The following SH2B2 variants were observed in gnomAD, a reference collection of about 807,000 sequenced individuals.
SH2B2 encodes SH2B adapter protein 2.
A neutral mutation model predicts 35.7 loss-of-function variants in SH2B2; 37 were observed. That is an observed-to-expected ratio of 1.04 (90% CI 0.80 to 1.36). SH2B2 has a LOEUF of 1.36. Among genes scored for constraint, SH2B2 ranks in the 40% most tolerant of loss-of-function variants. SH2B2 has a pLI of 0.00. For missense variants in SH2B2, 852 were observed against 817.7 expected (o/e 1.04, Z -0.51); for synonymous variants, 383 against 376.4 (o/e 1.02, Z -0.20).
In SH2B2 at chr7:102,301,253, C is replaced by A; in HGVS notation, c.703C>A (p.Arg235Ser). ...CAGGGCTGTGGCCGAGGAACGCTTC[C>A]GCCTGGAGTTCTTCGTGCCGCCCAA... ...LRRAVAEERF[R>S]LEFFVPPKAS... Residue 235 changes from arginine (R) to serine (S), a missense_variant, in exon 2 of 9, where the codon CGC becomes AGC. By Grantham distance (110) the Arg-to-Ser change is moderately radical. Around this residue, in one of 3 missense-constraint regions of SH2B2, gnomAD observed 556 missense variants for 514.5 expected, o/e 1.08. Coordinates refer to ENST00000444095, the MANE Select transcript of SH2B2 (RefSeq NM_001359228.2). 1 of 1,604,750 alleles carries A rather than the reference C, an allele frequency of 6.2e-7. No individual in the cohort carries two copies. Among genetic ancestry groups the A allele is most frequent in the East Asian group, 2.3e-5 (1 of 43,972 alleles).
chr7:102,303,373 G>A (rs555437418), intron 2 of SH2B2, among the ~76,000 whole-genome samples: 8 of 152,212 alleles, frequency 5.3e-5, no homozygotes, highest in African/African-American at 1.9e-4. Context: ...GGACCACCGG[G>A]GACCCCACAC....
chr7:102,295,804 C>T (rs1330282855), intron 1 of SH2B2, among the ~76,000 whole-genome samples: 1 of 152,014 alleles, frequency 6.6e-6, no homozygotes. Flanking sequence ...GGAGGAAGCA[C>T]GGGGCAGGGA....
rs368488653 is a variant in SH2B2 at position 102,300,772 on chromosome 7, C to G, written c.222C>G (p.Gly74=). 7.8e-6 allele frequency: 12 copies of G among 1,529,620 alleles called. No individual in the cohort carries two copies. The African/African-American group carries it at 1.5e-4, about 19-fold the overall frequency. 94.8% of individuals were successfully genotyped at this position (1,529,620 alleles called of 1,614,324 possible). A position where few individuals can be genotyped will look rare whatever the true frequency, so the allele number is the denominator to read the frequency against. ...HFAANFLDVF[G]EEVRRVLVAG... The stretch of plus-strand genomic sequence containing the variant: ...CCGCCAACTTCCTGGACGTCTTCGG[C>G]GAGGAGGTGCGCCGCGTGCTGGTGG... The change falls in exon 2 of 9, where the codon GGC becomes GGG. Residue 74 remains glycine, a synonymous_variant. Transcript: ENST00000444095.
intron 7 of SH2B2, among the ~76,000 whole-genome samples, chr7:102,319,040 G>A (rs1793960851): frequency 6.6e-6 from 1 of 152,116 alleles, no homozygotes; most frequent in African/African-American, 2.4e-5. Flanking sequence ...TTCTCCCAGA[G>A]TGGAGATGAC....
Position 102,297,316 on chromosome 7 carries a change from T to G in SH2B2, c.-29-3206T>G, listed in dbSNP as rs1279443851. Among the ~76,000 whole-genome samples the G allele has an allele frequency of 4.6e-5, 7 of 151,566 alleles. No individual in the cohort carries two copies. The highest frequency in any genetic ancestry group is 1.7e-4 in the African/African-American group (7 of 41,176). ...GGCTCGTGCCTGTAATTTCAGCACT[T>G]TGGGAGGCCAAGGCCAGAGGATTGC... On this transcript the variant is annotated intron_variant, in intron 1 of 8. Transcript: ENST00000444095. The surrounding 1 kb of genome is among the most constrained non-coding windows in gnomAD (Gnocchi z 4.3).
chr7:102,285,286 CCT>C, upstream of SH2B2: 5 of 1,500,910 alleles, frequency 3.3e-6, no homozygotes, highest in Non-Finnish European at 4.5e-6. Context: ...CAGGCTCTCC[CCT>C]CTCCCAGGAG....
upstream of SH2B2, among the ~76,000 whole-genome samples, chr7:102,286,280 G>C (rs1243160793): frequency 2.0e-5 from 3 of 152,244 alleles, no homozygotes; most frequent in African/African-American, 7.2e-5. Context: ...TGCAGGGAGG[G>C]GGCGTGGTGG....
chr7:102,286,685 C>CAGCA (rs1792457195), upstream of SH2B2, among the ~76,000 whole-genome samples: 1 of 150,520 alleles, frequency 6.6e-6, no homozygotes, highest in South Asian at 2.1e-4. Flanking sequence ...TGCGGGGAGC[C>CAGCA]AGCAAGCACC....
At chr7:102,316,254 G>A (rs1554556974) in intron 6 of SH2B2, among the ~76,000 whole-genome samples, 1 of 152,016 alleles carries the variant, frequency 6.6e-6, no homozygotes, top group African/African-American at 2.4e-5. Flanking sequence ...TTCAGCCTGG[G>A]TGACAGAGCA....
chr7:102,293,561 G>A (rs922721124), intron 1 of SH2B2, among the ~76,000 whole-genome samples: 1 of 151,756 alleles, frequency 6.6e-6, no homozygotes, highest in Non-Finnish European at 1.5e-5. Context: ...TGGATGGGGG[G>A]AGGGTGGTCT....
chr7:102,306,893 T>C, intron 3 of SH2B2, 71 bp downstream of exon 3: 1 of 1,225,248 alleles, frequency 8.2e-7, no homozygotes, highest in Non-Finnish European at 1.2e-6. Context: ...GTGCTACAGC[T>C]CCCTAGGGGA....
At position 102,314,531 on chromosome 7, in the gene SH2B2, C is replaced by T. The variant is rs994571810; in HGVS notation, c.1035C>T (p.Pro345=). ...CCCCAGCAGTCGACCTGCCCCGCCC[C>T]CCAGAGACGACAGCCGTGGGTGCAG... ...LLTDAVDLPR[P]PETTAVGAVV... Residue 345 remains proline (P), a synonymous_variant, in exon 6 of 9, where the codon CCC becomes CCT. Transcript: ENST00000444095. 3.3e-5 allele frequency: 13 copies of T among 398,696 alleles called. No homozygotes were observed. The South Asian group carries it at 1.1e-3, about 35-fold the overall frequency. The allele number at this position is 398,696 out of a possible 1,614,324, so 24.7% of individuals were successfully genotyped here. A position where few individuals can be genotyped will look rare whatever the true frequency, so the allele number is the denominator to read the frequency against.
chr7:102,317,443 G>T (rs782100399), intron 7 of SH2B2, 48 bp downstream of exon 7: 1 of 1,480,582 alleles, frequency 6.8e-7, no homozygotes, highest in South Asian at 1.4e-5. Context: ...AGCCCTGAGG[G>T]AGAGGGGTCA....
At chr7:102,296,805 A>G (rs188068625) in intron 1 of SH2B2, among the ~76,000 whole-genome samples, 209 of 152,272 alleles carry the variant, frequency 1.4e-3, no homozygotes, top group Admixed American at 2.4e-3. Context: ...AAGGTCTTCA[A>G]TGTCCGTACA....
At chr7:102,306,683 A>G (rs1793411237) in intron 2 of SH2B2, 38 bp from the exon 3 acceptor site, 1 of 1,462,348 alleles carries the variant, frequency 6.8e-7, no homozygotes, top group South Asian at 1.2e-5. Context: ...GTGTCGGGAA[A>G]TGCTGGGGCC....
intron 6 of SH2B2, among the ~76,000 whole-genome samples, chr7:102,315,232 C>T (rs1472527009): frequency 1.1e-4 from 16 of 152,004 alleles, no homozygotes; most frequent in Admixed American, 5.2e-4. Flanking sequence ...GGGCTGGGTG[C>T]AGTGTCTCAC....
At chr7:102,307,036 G>A (rs947829058) in intron 3 of SH2B2, among the ~76,000 whole-genome samples, 1 of 152,252 alleles carries the variant, frequency 6.6e-6, no homozygotes, top group Non-Finnish European at 1.5e-5. Context: ...TGCCTCGGGC[G>A]TCGCCCAACA....
At chr7:102,318,419 G>A (rs1793938016) in intron 7 of SH2B2, among the ~76,000 whole-genome samples, 5 of 152,220 alleles carry the variant, frequency 3.3e-5, no homozygotes, top group South Asian at 2.1e-4. Context: ...GATTACAGGC[G>A]TGAGCCCCCA....
intron 4 of SH2B2, among the ~76,000 whole-genome samples, chr7:102,310,252 G>A (rs809120): frequency 2.0e-5 from 3 of 152,150 alleles, no homozygotes. Flanking sequence ...GGAGGCAGAG[G>A]TTGCAGTGAG....
Sources: gnomAD v4.1 joint callset for allele counts (sites outside exome capture counted in the v4.1 genomes callset) on GRCh38, gnomAD v4.1.1 for gene constraint, gnomAD v4.1.1 regional missense constraint, Gnocchi (gnomAD v3.1) non-coding constraint, MANE v1.5 for transcripts, NCBI Gene and HGNC (gene_info 2026-07-23, HGNC 2026-07-21) for gene names.